TPI1: variants seen among roughly 807,000 people sequenced by gnomAD.
The protein encoded by TPI1 is triosephosphate isomerase 1, also known as triosephosphate isomerase.
Under a neutral mutation model 31.0 loss-of-function variants are expected in TPI1, and 11 were observed. The observed-to-expected ratio is 0.36, with a 90% confidence interval of 0.22 to 0.59. The LOEUF is 0.59. Ranked by LOEUF, TPI1 falls within the 20% of genes least tolerant of loss-of-function variation. The pLI is 0.79. For synonymous variants in TPI1, 121 were observed against 122.8 expected, an observed-to-expected ratio of 0.99 and a Z score of 0.10; for missense variants, 245 against 319.7, an observed-to-expected ratio of 0.77 and a Z score of 1.78.
Position 6,869,264 on chromosome 12 carries a change from G to A in TPI1, c.331G>A (p.Gly111Arg). The change falls in exon 4 of 7, where the codon GGG becomes AGG. Residue 111 changes from glycine to arginine, a missense_variant. This residue lies in a region of TPI1 where 23 missense variants were observed against 59.6 expected (regional missense o/e 0.39). Coordinates refer to ENST00000396705, the MANE Select transcript of TPI1 (RefSeq NM_000365.6). ...HVFGESDELI[G>R]QKVAHALAEG... The stretch of plus-strand genomic sequence containing the variant: ...CAAGTCTGTTTCTCAACAGCTGATT[G>A]GGCAGAAAGTGGCCCATGCTCTGGC... The A allele has an allele frequency of 6.2e-7, 1 of 1,614,058 alleles. No individual in the cohort carries two copies. Among genetic ancestry groups the A allele is most frequent in the Non-Finnish European group, 8.5e-7 (1 of 1,179,940 alleles).
In TPI1 at chr12:6,870,866, T is replaced by C. The variant is rs1555133034; in HGVS notation, c.*483T>C. On this transcript the variant is annotated 3_prime_UTR_variant, in exon 7 of 7. Coordinates refer to ENST00000396705, the MANE Select transcript of TPI1 (RefSeq NM_000365.6). The stretch of plus-strand genomic sequence containing the variant: ...TCTGCCTTCACTGGACTTGCCCAGA[T>C]AATCTTCCTTTTTGAGGCAGCTATA... 3 of 565,258 alleles carry C rather than the reference T, an allele frequency of 5.3e-6. No individual in the cohort carries two copies. In the African/African-American group the frequency reaches 5.6e-5, roughly 11 times the overall value. 35.0% of individuals were successfully genotyped at this position (565,258 alleles called of 1,614,324 possible).
In TPI1 at chr12:6,869,781, G is replaced by T. The variant is rs1591617554; in HGVS notation, c.543+8G>T. On this transcript the variant is annotated splice_region_variant and intron_variant, in intron 5 of 6. Coordinates refer to ENST00000396705, the MANE Select transcript of TPI1 (RefSeq NM_000365.6). ...ACTGCAACACCCCAACAGGTAACCGGGCCCAGGAGCCCTGCCCTCATCCCA... is the reference window on the plus strand; with the variant it reads ...ACTGCAACACCCCAACAGGTAACCGTGCCCAGGAGCCCTGCCCTCATCCCA... The T allele has an allele frequency of 6.2e-7, 1 of 1,614,112 alleles. No homozygotes were observed. Among genetic ancestry groups the T allele is most frequent in the Non-Finnish European group, 8.5e-7 (1 of 1,179,998 alleles).
chr12:6,868,515 G>A, intron 1 of TPI1: 1 of 1,280,434 alleles, frequency 7.8e-7, no homozygotes, highest in Non-Finnish European at 1.0e-6. Flanking sequence ...GGGAGGTGAG[G>A]ATGGGCTATT....
In TPI1 at chr12:6,867,650, T is replaced by C; in HGVS notation, c.84T>C (p.Thr28=). Residue 28 remains threonine, a synonymous_variant, in exon 1 of 7, where the codon ACT becomes ACC. Transcript: ENST00000396705. ...AGAGTCTGGGGGAGCTCATCGGCAC[T>C]CTGAACGCGGCCAAGGTGCCGGCCG... ...RKQSLGELIG[T]LNAAKVPADT... 1.2e-6 allele frequency: 2 copies of C among 1,610,608 alleles called. No homozygotes were observed. Among genetic ancestry groups the C allele is most frequent in the Non-Finnish European group, 1.7e-6 (2 of 1,178,972 alleles).
chr12:6,870,923 AAC>A lies in TPI1; in HGVS notation c.*542_*543del. The A allele has an allele frequency of 7.7e-6, 5 of 652,246 alleles. No individual in the cohort carries two copies. The highest frequency in any genetic ancestry group is 5.9e-5 in the East Asian group (2 of 33,832). The allele number at this position is 652,246 out of a possible 1,614,324, so 40.4% of individuals were successfully genotyped here. ...ATCATTTGTGCAAGAAAAAAAAAAAAACAAGAACAGGTTTCTATAACAACATC... is the reference window on the plus strand; with the variant it reads ...ATCATTTGTGCAAGAAAAAAAAAAAAAAGAACAGGTTTCTATAACAACATC... On this transcript the variant is annotated 3_prime_UTR_variant, in exon 7 of 7. Transcript: ENST00000396705.
At position 6,868,858 on chromosome 12, in the gene TPI1, C is replaced by A. The variant is rs782421589; in HGVS notation, c.116-6C>A. On this transcript the variant is annotated splice_region_variant and splice_polypyrimidine_tract_variant and intron_variant, in intron 1 of 6. Transcript: ENST00000396705. Reference sequence around the variant, plus strand: ...TCATCCCCCTGTGGTACCATCTTGTCCTCAGAGGTGGTTTGTGCTCCCCCT... The same window carrying A: ...TCATCCCCCTGTGGTACCATCTTGTACTCAGAGGTGGTTTGTGCTCCCCCT... 1 of 1,611,708 alleles carries A rather than the reference C, an allele frequency of 6.2e-7. No individual in the cohort carries two copies. The highest frequency in any genetic ancestry group is 1.1e-5 in the South Asian group (1 of 90,750).
At chr12:6,868,009 T>G in intron 1 of TPI1, 2 of 1,161,174 alleles carry the variant, frequency 1.7e-6, no homozygotes, top group Non-Finnish European at 2.2e-6. Flanking sequence ...AGCCCGAGGC[T>G]CTGCGGGAGA....
In TPI1 at chr12:6,869,576, C is replaced by T. The variant is rs782121646; in HGVS notation, c.458-112C>T. The stretch of plus-strand genomic sequence containing the variant: ...CCCAAGGTAGATGCCACCTGGAAAT[C>T]CCCCAATGTCCACTAGGGGGCAGTA... On this transcript the variant is annotated intron_variant, in intron 4 of 6. Transcript: ENST00000396705. 2.6e-4 allele frequency: 383 copies of T among 1,467,320 alleles called. 7 individuals are homozygous for T. The highest frequency in any genetic ancestry group is 2.2e-3 in the South Asian group (190 of 87,844). 90.9% of individuals were successfully genotyped at this position (1,467,320 alleles called of 1,614,324 possible).
In TPI1 at chr12:6,869,782, G is replaced by C. The variant is rs781990734; in HGVS notation, c.543+9G>C. The C allele has an allele frequency of 1.9e-6, 3 of 1,614,090 alleles. No individual in the cohort carries two copies. In the East Asian group the frequency reaches 6.7e-5, roughly 36 times the overall value. On this transcript the variant is annotated intron_variant, in intron 5 of 6. Coordinates refer to ENST00000396705, the MANE Select transcript of TPI1 (RefSeq NM_000365.6). ...CTGCAACACCCCAACAGGTAACCGG[G>C]CCCAGGAGCCCTGCCCTCATCCCAG... is the stretch of plus-strand genomic sequence containing the variant.
At chr12:6,869,598 A>T in intron 4 of TPI1, 90 bp from the exon 5 acceptor site, 1 of 1,521,718 alleles carries the variant, frequency 6.6e-7, no homozygotes, top group South Asian at 1.1e-5. Context: ...ACTAGGGGGC[A>T]GTAGGCCACC....
chr12:6,867,824 G>A (rs1944491446), intron 1 of TPI1, 143 bp downstream of exon 1: 4 of 925,906 alleles, frequency 4.3e-6, no homozygotes, highest in African/African-American at 1.8e-5. Flanking sequence ...GGGCCGCTGG[G>A]GTCCGGGCAG....
At position 6,869,149 on chromosome 12, in the gene TPI1, CAG is replaced by C; in HGVS notation, c.296_297del (p.Arg99LysfsTer9). On this transcript the variant is annotated frameshift_variant, in exon 3 of 7. Coordinates refer to ENST00000396705, the MANE Select transcript of TPI1 (RefSeq NM_000365.6). LOFTEE classifies it high-confidence loss of function. Reference sequence around the variant, plus strand: ...GCCACGTGGGTGGTCCTGGGGCACTCAGAGAGAAGGCATGTCTTTGGGGAGTC... The same window carrying C: ...GCCACGTGGGTGGTCCTGGGGCACTCAGAGAAGGCATGTCTTTGGGGAGTC... The C allele has an allele frequency of 1.2e-6, 2 of 1,614,170 alleles. No individual in the cohort carries two copies. Among genetic ancestry groups the C allele is most frequent in the East Asian group, 2.2e-5 (1 of 44,882 alleles).
At chr12:6,869,975 T>G in intron 5 of TPI1, 74 bp from the exon 6 acceptor site, 2 of 1,524,930 alleles carry the variant, frequency 1.3e-6, no homozygotes, top group Non-Finnish European at 1.8e-6. Context: ...CCACACTAAG[T>G]GTCCACTGGT....
In TPI1 at chr12:6,870,566, A is replaced by G. The variant is rs782448562; in HGVS notation, c.*183A>G. On this transcript the variant is annotated 3_prime_UTR_variant, in exon 7 of 7. Transcript: ENST00000396705. ...CCCTGTAATGGTTGGGACCAGGCCA[A>G]TCCCTTCTCCACTTACTATAATGGT... The G allele has an allele frequency of 1.3e-5, 10 of 761,614 alleles. No individual in the cohort carries two copies. The highest frequency in any genetic ancestry group is 5.0e-5 in the East Asian group (2 of 40,244). 47.2% of individuals were successfully genotyped at this position (761,614 alleles called of 1,614,324 possible). A position where few individuals can be genotyped will look rare whatever the true frequency, so the allele number is the denominator to read the frequency against.
chr12:6,868,808 T>G, intron 1 of TPI1, 56 bp from the exon 2 acceptor site: 1 of 1,580,258 alleles, frequency 6.3e-7, no homozygotes, highest in Non-Finnish European at 8.6e-7. Context: ...TTAGGAATTG[T>G]GGGGAATGAA....
intron 1 of TPI1, chr12:6,868,348 A>G (rs1555131884): frequency 1.6e-6 from 2 of 1,287,598 alleles, no homozygotes; most frequent in African/African-American, 3.0e-5. Flanking sequence ...CGGGCAAAGG[A>G]TGCTCTCCTC....
intron 1 of TPI1, chr12:6,867,980 G>C: frequency 9.8e-7 from 1 of 1,019,196 alleles, no homozygotes; most frequent in Non-Finnish European, 1.3e-6. Context: ...TGCCCGCCAG[G>C]CGACGGGGTT....
chr12:6,868,790 G>A, intron 1 of TPI1, 74 bp from the exon 2 acceptor site: 2 of 1,556,908 alleles, frequency 1.3e-6, no homozygotes, highest in South Asian at 2.3e-5. Flanking sequence ...GGGGCTCCAG[G>A]GCACTGGTTA....
chr12:6,867,529 G>T (rs782415919), upstream of TPI1: 5 of 1,602,340 alleles, frequency 3.1e-6, no homozygotes, highest in African/African-American at 2.7e-5. Flanking sequence ...CCGCGACTGC[G>T]CGCAGACACT....
Sources: allele counts gnomAD v4.1 joint callset, GRCh38; gene constraint gnomAD v4.1.1; regional missense constraint gnomAD v4.1.1; transcripts MANE v1.5; gene names NCBI Gene and HGNC (gene_info 2026-07-23, HGNC 2026-07-21).